Variants in CCDC93 observed in about 807,000 individuals in gnomAD.
CCDC93 encodes CCC complex scaffolding subunit CCDC93, also known as coiled-coil domain-containing protein 93.
Under a neutral mutation model 108.2 loss-of-function variants are expected in CCDC93, and 61 were observed. The observed-to-expected ratio is 0.56, with a 90% CI of 0.46 to 0.70. The LOEUF (loss-of-function observed/expected upper bound fraction) is 0.70, where lower values mean the gene tolerates loss of function less well. Ranked by LOEUF, CCDC93 falls within the 30% of genes least tolerant of loss-of-function variation. CCDC93 has a pLI of 0.00. For missense variants in CCDC93, 685 were observed against 764.2 expected (o/e 0.90, Z 1.22); for synonymous variants, 276 against 260.4 (o/e 1.06, Z -0.58).
chr2:117,964,003 T>C (rs376705673), intron 11 of CCDC93, among the ~76,000 whole-genome samples: 3 of 152,212 alleles, frequency 2.0e-5, no homozygotes, highest in African/African-American at 4.8e-5. Context: ...CAGTTAGGTA[T>C]TGTATACTAA....
chr2:117,964,819 T>A (rs796878581), intron 11 of CCDC93, among the ~76,000 whole-genome samples: 16 of 152,260 alleles, frequency 1.1e-4, no homozygotes, highest in African/African-American at 3.8e-4. Flanking sequence ...CCCAGGCTGA[T>A]CTCAAACTCC....
intron 12 of CCDC93, among the ~76,000 whole-genome samples, chr2:117,954,572 CTTA>C: frequency 6.6e-6 from 1 of 152,178 alleles, no homozygotes; most frequent in East Asian, 1.9e-4. Context: ...AACCCCTACA[CTTA>C]CTCTAAAAAT....
intron 21 of CCDC93, chr2:117,935,960 A>G (rs770801482): frequency 6.9e-5 from 11 of 158,490 alleles, no homozygotes; most frequent in Non-Finnish European, 1.5e-4. Flanking sequence ...GAGGATTGGC[A>G]GATACTTGAA....
intron 3 of CCDC93, among the ~76,000 whole-genome samples, chr2:118,005,752 CAAAAA>C (rs11439902): frequency 7.4e-6 from 1 of 134,492 alleles, no homozygotes; most frequent in South Asian, 2.4e-4. Flanking sequence ...GACTCTGTCT[CAAAAA>C]AAAAAAAAAA....
chr2:117,936,323 AT>A (rs1573469331), intron 21 of CCDC93, among the ~76,000 whole-genome samples: 1 of 152,332 alleles, frequency 6.6e-6, no homozygotes, highest in Admixed American at 6.5e-5. Context: ...ACCAAAAAAA[AT>A]CTACCATGAG....
intron 12 of CCDC93, among the ~76,000 whole-genome samples, chr2:117,954,688 A>T (rs1679162611): frequency 6.6e-6 from 1 of 152,130 alleles, no homozygotes; most frequent in South Asian, 2.1e-4. Context: ...ATTCCTTTGC[A>T]TATTCCCTCA....
At chr2:117,952,749 G>A (rs1377831977) in intron 12 of CCDC93, among the ~76,000 whole-genome samples, 1 of 152,146 alleles carries the variant, frequency 6.6e-6, no homozygotes, top group Non-Finnish European at 1.5e-5. Flanking sequence ...TTTGACTAAA[G>A]TCCCATAGCT....
rs1679856080 is a variant in CCDC93, at chr2:117,974,142, C to T, written c.802-148G>A. 10 of 661,674 alleles carry T rather than the reference C, an allele frequency of 1.5e-5. No homozygotes were observed. The Admixed American group carries it at 2.2e-4, about 15-fold the overall frequency. 41.0% of individuals were successfully genotyped at this position (661,674 alleles called of 1,614,324 possible). A position where few individuals can be genotyped will look rare whatever the true frequency, so the allele number is the denominator to read the frequency against. ...ATAATTTGGCTTTGCCACATATTACCAACAGAAAGGGAGAAAAGAAGCCTC... is the reference window on the plus strand; with the variant it reads ...ATAATTTGGCTTTGCCACATATTACTAACAGAAAGGGAGAAAAGAAGCCTC... On this transcript the variant is annotated intron_variant, in intron 10 of 23. Coordinates refer to ENST00000376300, the MANE Select transcript of CCDC93 (RefSeq NM_019044.5).
chr2:117,929,389 T>G (rs1385081261), intron 23 of CCDC93, among the ~76,000 whole-genome samples: 1 of 152,208 alleles, frequency 6.6e-6, no homozygotes, highest in Non-Finnish European at 1.5e-5. Flanking sequence ...AACCACCCTC[T>G]GTGTCTGGTG....
At chr2:117,975,128 T>A (rs1027247617) in intron 9 of CCDC93, 60 bp downstream of exon 9, 5 of 1,438,286 alleles carry the variant, frequency 3.5e-6, no homozygotes, top group African/African-American at 1.4e-5. Flanking sequence ...GGGATAAGAG[T>A]ACGATTTCTC....
intron 12 of CCDC93, 103 bp from the exon 13 acceptor site, chr2:117,952,538 T>G (rs1679090758): frequency 1.2e-6 from 1 of 845,062 alleles, no homozygotes; most frequent in South Asian, 1.5e-5. Context: ...AGATTTAAAC[T>G]GAGCAAATGT....
At chr2:117,974,161 A>C (rs995670692) in intron 10 of CCDC93, among the ~76,000 whole-genome samples, 167 bp from the exon 11 acceptor site, 4 of 152,148 alleles carry the variant, frequency 2.6e-5, no homozygotes, top group African/African-American at 9.7e-5. Context: ...GGGAGAAAAG[A>C]AGCCTCAGGA....
intron 22 of CCDC93, among the ~76,000 whole-genome samples, chr2:117,931,978 G>A (rs1201988281): frequency 6.6e-6 from 1 of 152,144 alleles, no homozygotes; most frequent in African/African-American, 2.4e-5. Context: ...CATTAAGCAA[G>A]CACCCTGACA....
chr2:117,946,260 C>T (rs999476419), intron 16 of CCDC93, among the ~76,000 whole-genome samples: 3 of 152,196 alleles, frequency 2.0e-5, no homozygotes, highest in South Asian at 4.1e-4. Flanking sequence ...CTGTTTCTTA[C>T]AATTTAAGGT....
rs777697897 is a variant in CCDC93, at chr2:117,996,350, G to C, written c.376C>G (p.Arg126Gly). The change falls in exon 5 of 24, where the codon CGA becomes GGA. Residue 126 changes from arginine to glycine, a missense_variant. By Grantham distance (125) the Arg-to-Gly change is moderately radical (BLOSUM62 -2). Coordinates refer to ENST00000376300, the MANE Select transcript of CCDC93 (RefSeq NM_019044.5). ...ATCTCTTCTTTTGTTTCTATAGCTC[G>C]TTTCACCAGCCACTGGGGAAGAAAG... ...IFPVVQWLVK[R>G]AIETKEEMGD... The C allele has an allele frequency of 6.2e-7, 1 of 1,612,188 alleles. No homozygotes were observed. The highest frequency in any genetic ancestry group is 1.7e-5 in the Admixed American group (1 of 60,004).
At chr2:117,979,907 T>C (rs899469797) in intron 7 of CCDC93, among the ~76,000 whole-genome samples, 6 of 152,222 alleles carry the variant, frequency 3.9e-5, no homozygotes, top group Non-Finnish European at 7.3e-5. Flanking sequence ...CAGATGCATT[T>C]GCTAGAGTTT....
intron 7 of CCDC93, 125 bp downstream of exon 7, chr2:117,985,844 T>C (rs1446455060): frequency 8.2e-6 from 5 of 609,862 alleles, no homozygotes; most frequent in Non-Finnish European, 1.5e-5. Flanking sequence ...GTCCCTGATG[T>C]TGGAAATCTC....
intron 11 of CCDC93, among the ~76,000 whole-genome samples, chr2:117,972,338 C>G (rs1422918592): frequency 2.6e-5 from 4 of 152,168 alleles, no homozygotes; most frequent in Non-Finnish European, 4.4e-5. Context: ...ATGTATCCAT[C>G]AGAGTTGGAT....
chr2:117,927,489 T>C (rs148701621), intron 23 of CCDC93, among the ~76,000 whole-genome samples: 8,034 of 152,112 alleles, frequency 0.053, 274 homozygotes, highest in Non-Finnish European at 0.082. Context: ...GAGAGCCAAA[T>C]CATGAGTGAA....
Sources: gnomAD v4.1 joint callset for allele counts (sites outside exome capture counted in the v4.1 genomes callset) on GRCh38, gnomAD v4.1.1 for gene constraint, MANE v1.5 for transcripts, NCBI Gene and HGNC (gene_info 2026-07-23, HGNC 2026-07-21) for gene names.